MUC5B: variants seen among roughly 807,000 people sequenced by gnomAD.
MUC5B encodes the protein mucin-5B.
A neutral mutation model predicts 376.9 loss-of-function variants in MUC5B; 116 were observed. The observed-to-expected ratio is 0.31, with a 90% CI of 0.26 to 0.36. The LOEUF is 0.36. Among genes scored for constraint, MUC5B ranks in the 10% least tolerant of loss-of-function variants. MUC5B has a pLI of 1.00. For synonymous variants in MUC5B, 3,517 were observed against 3,390.9 expected (o/e 1.04, Z -1.29); for missense variants, 7,165 against 7,769.9 (o/e 0.92, Z 2.93).
Position 1,241,876 on chromosome 11 carries a change from C to T in MUC5B, c.4996C>T (p.Leu1666Phe). The change falls in exon 31 of 49, where the codon CTT becomes TTT. Residue 1666 changes from leucine (L) to phenylalanine (F), a missense_variant. This residue lies in a region of MUC5B where 897 missense variants were observed against 779.6 expected (regional missense o/e 1.15). Transcript: ENST00000529681. ...GACATCCCCCAGATACACAAGCACC[C>T]TTGGTACAGCCACCACGGGAGGCCC... ...GLTSPRYTST[L>F]GTATTGGPTT... 6.2e-7 allele frequency: 1 copy of T among 1,613,042 alleles called. No individual in the cohort carries two copies. The highest frequency in any genetic ancestry group is 8.5e-7 in the Non-Finnish European group (1 of 1,179,608).
In MUC5B at chr11:1,253,101, C is replaced by A. The variant is rs1218444643; in HGVS notation, c.15217+121C>A. Reference sequence around the variant, plus strand: ...TGGGGTGCAGTGGGGAATGGTGGGGCATGGTGGGGCATGGTGGGGTGCAGT... The same window carrying A: ...TGGGGTGCAGTGGGGAATGGTGGGGAATGGTGGGGCATGGTGGGGTGCAGT... On this transcript the variant is annotated intron_variant, in intron 33 of 48. Coordinates refer to ENST00000529681, the MANE Select transcript of MUC5B (RefSeq NM_002458.3). The surrounding 1 kb of genome is among the most constrained non-coding windows in gnomAD (Gnocchi z 4.3). The A allele has an allele frequency of 1.9e-4, 99 of 532,892 alleles. 1 individual carries two copies. The highest frequency in any genetic ancestry group is 9.9e-4 in the South Asian group (43 of 43,374). 33.0% of individuals were successfully genotyped at this position (532,892 alleles called of 1,614,324 possible). A position where few individuals can be genotyped will look rare whatever the true frequency, so the allele number is the denominator to read the frequency against.
In MUC5B at chr11:1,243,285, C is replaced by T. The variant is rs1407010616; in HGVS notation, c.6405C>T (p.Thr2135=). The change falls in exon 31 of 49, where the codon ACC becomes ACT. Residue 2135 remains threonine, a synonymous_variant. Coordinates refer to ENST00000529681, the MANE Select transcript of MUC5B (RefSeq NM_002458.3). ...QTSGTPPSLT[T]TATTITATGS... is the part of the protein sequence containing the mutation. Reference sequence around the variant, plus strand: ...GTGGTACTCCCCCATCACTGACCACCACGGCCACTACGATCACGGCCACCG... The same window carrying T: ...GTGGTACTCCCCCATCACTGACCACTACGGCCACTACGATCACGGCCACCG... 2 of 1,556,184 alleles carry T rather than the reference C, an allele frequency of 1.3e-6. No individual in the cohort carries two copies. Among genetic ancestry groups the T allele is most frequent in the South Asian group, 1.2e-5 (1 of 85,454 alleles).
intron 10 of MUC5B, 35 bp from the exon 11 acceptor site, chr11:1,229,970 G>T: frequency 1.3e-6 from 2 of 1,567,228 alleles, no homozygotes; most frequent in South Asian, 1.2e-5. Flanking sequence ...ACCTCCTCCC[G>T]ACATGCCGGT....
At chr11:1,230,891 T>C (rs1452289719) in intron 12 of MUC5B, 45 bp from the exon 13 acceptor site, 1 of 1,553,234 alleles carries the variant, frequency 6.4e-7, no homozygotes, top group South Asian at 1.2e-5. Flanking sequence ...GAGTCGGGAA[T>C]GGGTTCCTCC....
chr11:1,240,895 C>T lies in MUC5B; in HGVS notation c.4015C>T (p.Arg1339Cys), dbSNP rs369862985. 1.1e-5 allele frequency: 18 copies of T among 1,612,314 alleles called. No homozygotes were observed. The highest frequency in any genetic ancestry group is 1.1e-4 in the East Asian group (5 of 44,878). ...CACCGTGTGTGTCCGCGAGGTCTGC[C>T]GCTGGTCCAGCTGGTACAATGGGCA... ...VSTVCVREVC[R>C]WSSWYNGHRP... The change falls in exon 31 of 49, where the codon CGC (arginine) becomes TGC (cysteine). Residue 1339 changes from arginine to cysteine, a missense_variant. Coordinates refer to ENST00000529681, the MANE Select transcript of MUC5B (RefSeq NM_002458.3).
Position 1,228,558 on chromosome 11 carries a change from C to T in MUC5B, c.775-6C>T, listed in dbSNP as rs1190311563. 2.0e-6 allele frequency: 3 copies of T among 1,517,836 alleles called. No homozygotes were observed. The highest frequency in any genetic ancestry group is 1.8e-6 in the Non-Finnish European group (2 of 1,135,020). The allele number at this position is 1,517,836 out of a possible 1,614,324, so 94.0% of individuals were successfully genotyped here. Reference sequence around the variant, plus strand: ...GGTGCCCAGCCTGGCCCACTGTGCTCCCCAGGAGGGCATCTGCCACCGCAC... The same window carrying T: ...GGTGCCCAGCCTGGCCCACTGTGCTTCCCAGGAGGGCATCTGCCACCGCAC... On this transcript the variant is annotated splice_region_variant and splice_polypyrimidine_tract_variant and intron_variant, in intron 7 of 48. Transcript: ENST00000529681.
At position 1,251,549 on chromosome 11, in the gene MUC5B, C is replaced by G; in HGVS notation, c.14669C>G (p.Thr4890Ser). 6.2e-7 allele frequency: 1 copy of G among 1,613,084 alleles called. No individual in the cohort carries two copies. The highest frequency in any genetic ancestry group is 8.5e-7 in the Non-Finnish European group (1 of 1,179,816). The change falls in exon 31 of 49, where the codon ACT becomes AGT. Residue 4890 changes from threonine to serine, a missense_variant. Physicochemically the swap from Thr to Ser is moderately conservative, Grantham distance 58 (BLOSUM62 1). Coordinates refer to ENST00000529681, the MANE Select transcript of MUC5B (RefSeq NM_002458.3). ...ACCATGGCCACTATGCCCACAGCCA[C>G]TGCCTCCACGGTTCCCAGCTCGTCC... ...VTTMATMPTA[T>S]ASTVPSSSTV...
chr11:1,231,358 C>T lies in MUC5B; in HGVS notation c.1541-65C>T. ...GTGGCCCGGCCCACTGGATGCCCTG[C>T]CCCTCCAATCTAGCCAGATCTGTCC... On this transcript the variant is annotated intron_variant, in intron 13 of 48. Transcript: ENST00000529681. 6 of 1,522,056 alleles carry T rather than the reference C, an allele frequency of 3.9e-6. No homozygotes were observed. In the South Asian group the frequency reaches 7.7e-5, roughly 20 times the overall value. The allele number at this position is 1,522,056 out of a possible 1,614,324, so 94.3% of individuals were successfully genotyped here.
At position 1,247,020 on chromosome 11, in the gene MUC5B, C is replaced by G. The variant is rs1196740394; in HGVS notation, c.10140C>G (p.Ser3380Arg). The change falls in exon 31 of 49, where the codon AGC (serine) becomes AGG (arginine). Residue 3380 changes from serine (S) to arginine (R), a missense_variant. Physicochemically the swap from Ser to Arg is moderately radical, Grantham distance 110 (BLOSUM62 -1). Transcript: ENST00000529681. ...ATGSMATPSSSTQTSGTPPSL... is the reference protein window; with the variant it reads ...ATGSMATPSSRTQTSGTPPSL... The stretch of plus-strand genomic sequence containing the variant: ...GTTCTATGGCAACACCCTCCTCTAG[C>G]ACACAGACCAGTGGTACTCCCCCAT... The G allele has an allele frequency of 2.6e-6, 4 of 1,552,936 alleles. No homozygotes were observed. The African/African-American group carries it at 4.1e-5, about 16-fold the overall frequency.
chr11:1,229,886 G>A lies in MUC5B; in HGVS notation c.1220+79G>A, dbSNP rs1028899391. On this transcript the variant is annotated intron_variant, in intron 10 of 48. Coordinates refer to ENST00000529681, the MANE Select transcript of MUC5B (RefSeq NM_002458.3). Reference sequence around the variant, plus strand: ...TTTATGAACCCGCCAGCCTCTGCCTGGGGTGGGGGTGTGGAGCTCCTGGTG... The same window carrying A: ...TTTATGAACCCGCCAGCCTCTGCCTAGGGTGGGGGTGTGGAGCTCCTGGTG... The A allele has an allele frequency of 7.1e-6, 11 of 1,544,996 alleles. No individual in the cohort carries two copies. The Admixed American group carries it at 2.1e-4, about 30-fold the overall frequency.
At chr11:1,261,018 C>T (rs1862983642) in intron 48 of MUC5B, among the ~76,000 whole-genome samples, 1 of 152,260 alleles carries the variant, frequency 6.6e-6, no homozygotes, top group Non-Finnish European at 1.5e-5. Flanking sequence ...GAACCAGAGC[C>T]TTCTGTGAAG....
chr11:1,238,581 C>T (rs1427352226), intron 25 of MUC5B, among the ~76,000 whole-genome samples: 1 of 152,168 alleles, frequency 6.6e-6, no homozygotes, highest in Non-Finnish European at 1.5e-5. Context: ...TGAAGGCAGG[C>T]AGATGGGCAG....
chr11:1,223,255 C>G (rs773738350), intron 1 of MUC5B, 62 bp downstream of exon 1: 1 of 701,972 alleles, frequency 1.4e-6, no homozygotes, highest in Non-Finnish European at 2.6e-6. Context: ...CTCTGCAGGT[C>G]GCTTGCCTGG....
At position 1,254,260 on chromosome 11, in the gene MUC5B, C is replaced by G. The variant is rs1862774831; in HGVS notation, c.15386C>G (p.Ala5129Gly). Reference protein sequence around the residue: ...HYCTASATAAAARCPRALSIH... With the variant: ...HYCTASATAAGARCPRALSIH... ...TGCACGGCCTCTGCCACTGCCGCTG[C>G]CGCCCGCTGCCCCCGCGCCCTCAGC... The change falls in exon 34 of 49, where the codon GCC becomes GGC. Residue 5129 changes from alanine (A) to glycine (G), a missense_variant. Physicochemically the swap from Ala to Gly is moderately conservative, Grantham distance 60 (BLOSUM62 0). Transcript: ENST00000529681. The G allele has an allele frequency of 6.2e-7, 1 of 1,612,144 alleles. No individual in the cohort carries two copies. Among genetic ancestry groups the G allele is most frequent in the East Asian group, 2.2e-5 (1 of 44,900 alleles).
Position 1,241,365 on chromosome 11 carries a change from C to T in MUC5B, c.4485C>T (p.Pro1495=). The change falls in exon 31 of 49, where the codon CCC becomes CCT. Residue 1495 remains proline, a synonymous_variant. Coordinates refer to ENST00000529681, the MANE Select transcript of MUC5B (RefSeq NM_002458.3). Reference sequence around the variant, plus strand: ...GCTCAGGCCCCGTGACGGTCACCCCCTCGGCCCCAGGTACCACCACCTGCC... The same window carrying T: ...GCTCAGGCCCCGTGACGGTCACCCCTTCGGCCCCAGGTACCACCACCTGCC... ...GSSSGPVTVT[P]SAPGTTTCQP... 1 of 1,613,082 alleles carries T rather than the reference C, an allele frequency of 6.2e-7. No individual in the cohort carries two copies. The highest frequency in any genetic ancestry group is 2.2e-5 in the East Asian group (1 of 44,832).
chr11:1,251,507 C>A lies in MUC5B; in HGVS notation c.14627C>A (p.Thr4876Asn), dbSNP rs1340438068. Residue 4876 changes from threonine to asparagine, a missense_variant, in exon 31 of 49, where the codon ACC (threonine) becomes AAC (asparagine). Physicochemically the swap from Thr to Asn is moderately conservative, Grantham distance 65 (BLOSUM62 0). Transcript: ENST00000529681. ...TCCTCCACTCTGGGAACAGCTCACA[C>A]CCCCAAAGTGGTGACCACCATGGCC... The part of the protein sequence containing the change: ...TASSTLGTAH[T>N]PKVVTTMATM... 6 of 1,574,120 alleles carry A rather than the reference C, an allele frequency of 3.8e-6. No homozygotes were observed. The African/African-American group carries it at 5.4e-5, about 14-fold the overall frequency.
chr11:1,251,934 GCACTGGCCACAATCAGTCCC>G (rs1364023049), intron 31 of MUC5B, among the ~76,000 whole-genome samples, 191 bp downstream of exon 31: 4 of 140,734 alleles, frequency 2.8e-5, no homozygotes, highest in Admixed American at 1.4e-4. Context: ...CAATCCGTCC[GCACTGGCCACAATCAGTCCC>G]CACTGGCCAC....
In MUC5B at chr11:1,257,461, C is replaced by G; in HGVS notation, c.16270-69C>G. The G allele has an allele frequency of 6.4e-7, 1 of 1,563,854 alleles. No homozygotes were observed. Among genetic ancestry groups the G allele is most frequent in the Non-Finnish European group, 8.7e-7 (1 of 1,149,478 alleles). On this transcript the variant is annotated intron_variant, in intron 40 of 48. Coordinates refer to ENST00000529681, the MANE Select transcript of MUC5B (RefSeq NM_002458.3). The surrounding 1 kb of genome is among the most constrained non-coding windows in gnomAD (Gnocchi z 8.9). Reference sequence around the variant, plus strand: ...GGTACCAGCCCGAGGGAGGGGGTGGCTGGACAGATGCCCAGGGTTGACCTG... The same window carrying G: ...GGTACCAGCCCGAGGGAGGGGGTGGGTGGACAGATGCCCAGGGTTGACCTG...
At chr11:1,230,869 C>A in intron 12 of MUC5B, 67 bp from the exon 13 acceptor site, 2 of 1,533,006 alleles carry the variant, frequency 1.3e-6, no homozygotes, top group Middle Eastern at 1.7e-4. Context: ...GGCAGGCCAC[C>A]CCCTCATTTG....
Sources: allele counts gnomAD v4.1 joint callset (sites outside exome capture counted in the v4.1 genomes callset), GRCh38; gene constraint gnomAD v4.1.1; regional missense constraint gnomAD v4.1.1; non-coding constraint Gnocchi (gnomAD v3.1); transcripts MANE v1.5; gene names NCBI Gene and HGNC (gene_info 2026-07-23, HGNC 2026-07-21).